UBE2R2: variants seen among roughly 807,000 people sequenced by gnomAD.
The protein encoded by UBE2R2 is ubiquitin conjugating enzyme E2 R2, also known as ubiquitin-conjugating enzyme E2 R2.
Under a neutral mutation model 27.8 loss-of-function variants are expected in UBE2R2, and 1 was observed. The ratio of observed to expected loss-of-function variants is 0.04; its 90% CI spans 0.01 to 0.17. UBE2R2 has a LOEUF of 0.17. UBE2R2 is among the 10% of genes least tolerant of loss of function. The probability of loss-of-function intolerance (pLI) is 1.00; values close to 1 mark genes in which losing one functional copy is unlikely to be tolerated. For missense variants in UBE2R2, 100 were observed against 291.0 expected (o/e 0.34, Z 4.78); for synonymous variants, 106 against 113.3 (o/e 0.94, Z 0.41).
chr9:33,879,875 GT>G (rs1347728627), intron 1 of UBE2R2, among the ~76,000 whole-genome samples: 1 of 121,730 alleles, frequency 8.2e-6, no homozygotes, highest in African/African-American at 3.1e-5. Context: ...TCTTTATTTT[GT>G]TTGTTTGTTT....
At chr9:33,853,078 C>A (rs1821004012) in intron 1 of UBE2R2, among the ~76,000 whole-genome samples, 1 of 152,076 alleles carries the variant, frequency 6.6e-6, no homozygotes, top group Non-Finnish European at 1.5e-5. Context: ...GAAGGCCCAA[C>A]TGTTTTAGCA....
intron 1 of UBE2R2, among the ~76,000 whole-genome samples, chr9:33,845,908 C>T (rs1252112335): frequency 5.9e-5 from 9 of 151,746 alleles, no homozygotes; most frequent in South Asian, 2.1e-4. Context: ...TTTGGGAGGC[C>T]GAGGTGGGCG....
chr9:33,838,377 T>C (rs1210404055), intron 1 of UBE2R2, among the ~76,000 whole-genome samples: 1 of 151,816 alleles, frequency 6.6e-6, no homozygotes, highest in African/African-American at 2.4e-5. Flanking sequence ...TATATATGTA[T>C]GTACATATAT....
rs1564008860 is a variant in UBE2R2 at position 33,917,139 on chromosome 9, TACG to T, written c.625_627del (p.Asp209del). 6 of 1,614,192 alleles carry T rather than the reference TACG, an allele frequency of 3.7e-6. No homozygotes were observed. The highest frequency in any genetic ancestry group is 5.1e-6 in the Non-Finnish European group (6 of 1,180,024). ...CAATGACAACAGCTCAGATTTGCTT[TACG>T]ACGACTTGTATGATGACGACATTGA... On this transcript the variant is annotated inframe_deletion, in exon 5 of 5. Transcript: ENST00000263228.
intron 1 of UBE2R2, among the ~76,000 whole-genome samples, chr9:33,877,339 T>TG (rs1336088348): frequency 1.3e-5 from 2 of 151,768 alleles, no homozygotes; most frequent in Non-Finnish European, 2.9e-5. Context: ...CCGGCACCCA[T>TG]GCCCGGCTAA....
chr9:33,908,443 A>G (rs1468982889), intron 3 of UBE2R2, among the ~76,000 whole-genome samples: 2 of 152,150 alleles, frequency 1.3e-5, no homozygotes, highest in African/African-American at 4.8e-5. Context: ...ATGGTAGGAG[A>G]AGGAGATTAT....
At chr9:33,875,156 A>G (rs1346393091) in intron 1 of UBE2R2, among the ~76,000 whole-genome samples, 2 of 152,146 alleles carry the variant, frequency 1.3e-5, no homozygotes. Flanking sequence ...GAAAATTACT[A>G]CAGCACCAAC....
In UBE2R2 at chr9:33,880,377, A is replaced by G. The variant is rs560785388; in HGVS notation, c.178-6504A>G. Reference sequence around the variant, plus strand: ...TAAGTAACTTTGTGGCTTCCTCTTTATACTGTGATTTGTACAGTTACGTAA... The same window carrying G: ...TAAGTAACTTTGTGGCTTCCTCTTTGTACTGTGATTTGTACAGTTACGTAA... On this transcript the variant is annotated intron_variant, in intron 1 of 4. Coordinates refer to ENST00000263228, the MANE Select transcript of UBE2R2 (RefSeq NM_017811.4). Among the ~76,000 whole-genome samples, 178 of 151,956 alleles carry G rather than the reference A, an allele frequency of 1.2e-3. 1 individual carries two copies. Among genetic ancestry groups the G allele is most frequent in the Middle Eastern group, 6.8e-3 (2 of 294 alleles).
At position 33,918,154 on chromosome 9, in the gene UBE2R2, A is replaced by G. The variant is rs1822701291; in HGVS notation, c.*917A>G. On this transcript the variant is annotated 3_prime_UTR_variant, in exon 5 of 5. Coordinates refer to ENST00000263228, the MANE Select transcript of UBE2R2 (RefSeq NM_017811.4). ...GGGGAAAAAGTTGAAACTACTGGTG[A>G]CCACTGTTGGGAGAGGAAACATCTG... The G allele has an allele frequency of 6.5e-6, 1 of 152,792 alleles. No homozygotes were observed. The highest frequency in any genetic ancestry group is 2.4e-5 in the African/African-American group (1 of 41,400). The allele number at this position is 152,792 out of a possible 1,614,324, so 9.5% of individuals were successfully genotyped here.
chr9:33,873,757 T>C (rs148861935), intron 1 of UBE2R2, among the ~76,000 whole-genome samples: 3 of 152,126 alleles, frequency 2.0e-5, no homozygotes, highest in Non-Finnish European at 2.9e-5. Flanking sequence ...TACTGCCACC[T>C]GAGCATCCTG....
At chr9:33,892,755 A>G (rs967317619) in intron 2 of UBE2R2, among the ~76,000 whole-genome samples, 2 of 152,202 alleles carry the variant, frequency 1.3e-5, no homozygotes, top group African/African-American at 4.8e-5. Context: ...AAGTATTGAC[A>G]TGCCCAAATT....
At chr9:33,914,414 A>G (rs10971787) in intron 4 of UBE2R2, among the ~76,000 whole-genome samples, 12,206 of 152,268 alleles carry the variant, frequency 0.08, 710 homozygotes, top group Non-Finnish European at 0.12. Flanking sequence ...AAAATTAAGC[A>G]AGAGAGGCAC....
At position 33,917,150 on chromosome 9, in the gene UBE2R2, G is replaced by A. The variant is rs1200306189; in HGVS notation, c.630G>A (p.Leu210=). ...DNSSDLLYDD[L]YDDDIDDEDE... is the part of the protein sequence containing the mutation. ...GCTCAGATTTGCTTTACGACGACTTGTATGATGACGACATTGATGATGAAG... is the reference window on the plus strand; with the variant it reads ...GCTCAGATTTGCTTTACGACGACTTATATGATGACGACATTGATGATGAAG... Residue 210 remains leucine, a synonymous_variant, in exon 5 of 5, where the codon TTG becomes TTA. Coordinates refer to ENST00000263228, the MANE Select transcript of UBE2R2 (RefSeq NM_017811.4). 1 of 1,614,170 alleles carries A rather than the reference G, an allele frequency of 6.2e-7. No homozygotes were observed. Among genetic ancestry groups the A allele is most frequent in the Non-Finnish European group, 8.5e-7 (1 of 1,180,030 alleles).
At chr9:33,822,973 C>A (rs1350559573) in intron 1 of UBE2R2, among the ~76,000 whole-genome samples, 1 of 138,194 alleles carries the variant, frequency 7.2e-6, no homozygotes. Flanking sequence ...GGTGTGATTT[C>A]GGCTCACTGC....
intron 3 of UBE2R2, among the ~76,000 whole-genome samples, chr9:33,906,156 T>A (rs951903503): frequency 6.6e-6 from 1 of 151,814 alleles, no homozygotes; most frequent in Non-Finnish European, 1.5e-5. Context: ...GGAGTTTTGC[T>A]CTTGTTGCCC....
chr9:33,907,948 C>G (rs1263429617), intron 3 of UBE2R2, among the ~76,000 whole-genome samples: 1 of 152,026 alleles, frequency 6.6e-6, no homozygotes, highest in Admixed American at 6.6e-5. Context: ...CCTGCCTCAG[C>G]CTTCCGAGTA....
intron 1 of UBE2R2, among the ~76,000 whole-genome samples, chr9:33,869,172 GGTA>G (rs1011174113): frequency 1.3e-5 from 2 of 152,106 alleles, no homozygotes; most frequent in Non-Finnish European, 2.9e-5. Context: ...GGGAGGCTGA[GGTA>G]GGAGGATTGC....
intron 1 of UBE2R2, among the ~76,000 whole-genome samples, chr9:33,839,704 C>G (rs968726307): frequency 2.0e-5 from 3 of 152,140 alleles, no homozygotes; most frequent in Non-Finnish European, 4.4e-5. Flanking sequence ...AAATAAATTA[C>G]TGTTGTTTAA....
At chr9:33,828,647 C>T (rs1261687330) in intron 1 of UBE2R2, among the ~76,000 whole-genome samples, 2 of 152,034 alleles carry the variant, frequency 1.3e-5, no homozygotes, top group African/African-American at 2.4e-5. Flanking sequence ...CTGCAATCTC[C>T]GCCTCCCTGG....
Sources: gnomAD v4.1 joint callset for allele counts (sites outside exome capture counted in the v4.1 genomes callset) on GRCh38, gnomAD v4.1.1 for gene constraint, MANE v1.5 for transcripts, NCBI Gene and HGNC (gene_info 2026-07-23, HGNC 2026-07-21) for gene names.